SPIRE1: variants seen among roughly 807,000 people sequenced by gnomAD.
SPIRE1 encodes protein spire homolog 1.
In SPIRE1, 40 loss-of-function variants were observed where a neutral mutation model predicts 94.1. The ratio of observed to expected loss-of-function variants is 0.43; its 90% confidence interval spans 0.33 to 0.55. The LOEUF (loss-of-function observed/expected upper bound fraction) is 0.55, where lower values mean the gene tolerates loss of function less well. Among genes scored for constraint, SPIRE1 ranks in the 20% least tolerant of loss-of-function variants. The pLI, the probability that SPIRE1 is intolerant of heterozygous loss-of-function variation, is 0.06. For synonymous variants in SPIRE1, 376 were observed against 371.7 expected, an observed-to-expected ratio of 1.01 and a Z score of -0.13; for missense variants, 838 against 975.2, an observed-to-expected ratio of 0.86 and a Z score of 1.87.
chr18:12,603,573 AATT>A (rs2036894795), intron 2 of SPIRE1, among the ~76,000 whole-genome samples: 1 of 116,930 alleles, frequency 8.6e-6, no homozygotes, highest in Non-Finnish European at 1.9e-5. Flanking sequence ...ACCAGTAGCC[AATT>A]TTTTTTTTTT....
At position 12,617,551 on chromosome 18, in the gene SPIRE1, T is replaced by C. The variant is rs182524372; in HGVS notation, c.372+17511A>G. Among the ~76,000 whole-genome samples the C allele has an allele frequency of 2.3e-4, 35 of 151,638 alleles. No homozygotes were observed. In the East Asian group the frequency reaches 6.4e-3, roughly 28 times the overall value. On this transcript the variant is annotated intron_variant, in intron 2 of 16. Transcript: ENST00000409402. The stretch of plus-strand genomic sequence containing the variant: ...TCAGCCTCCCGAGTAGCTGGGATTA[T>C]AGGCGCCTGCCACCATGCCTGGCTA...
In SPIRE1 at chr18:12,535,512, G is replaced by A; in HGVS notation, c.693C>T (p.Leu231=). Residue 231 remains leucine, a synonymous_variant, in exon 4 of 17, where the codon CTC becomes CTT. Coordinates refer to ENST00000409402, the MANE Select transcript of SPIRE1 (RefSeq NM_001128626.2). Reference sequence around the variant, plus strand: ...TCTTAATTTTGGTCAGAAATGTATGGAGCTCCATTGTTTCTGCAAACAGTG... The same window carrying A: ...TCTTAATTTTGGTCAGAAATGTATGAAGCTCCATTGTTTCTGCAAACAGTG... ...CRALFAETME[L]HTFLTKIKSA... 1 of 1,613,470 alleles carries A rather than the reference G, an allele frequency of 6.2e-7. No homozygotes were observed. The highest frequency in any genetic ancestry group is 8.5e-7 in the Non-Finnish European group (1 of 1,179,558).
Position 12,559,812 on chromosome 18 carries a change from CA to C in SPIRE1, c.373-12909del, listed in dbSNP as rs1296050212. ...AAAACAACAAAATGAAGAAACAACCCAAAGAACGGGAGAAAATATGTGCAAA... is the reference window on the plus strand; with the variant it reads ...AAAACAACAAAATGAAGAAACAACCCAAGAACGGGAGAAAATATGTGCAAA... On this transcript the variant is annotated intron_variant, in intron 2 of 16. Transcript: ENST00000409402. The surrounding 1 kb of genome is among the most constrained non-coding windows in gnomAD (Gnocchi z 4.7). Among the ~76,000 whole-genome samples the C allele has an allele frequency of 6.6e-6, 1 of 152,036 alleles. No homozygotes were observed. Among genetic ancestry groups the C allele is most frequent in the African/African-American group, 2.4e-5 (1 of 41,386 alleles).
intron 2 of SPIRE1, among the ~76,000 whole-genome samples, chr18:12,560,649 G>C (rs138763616): frequency 1.3e-5 from 2 of 152,220 alleles, no homozygotes; most frequent in African/African-American, 4.8e-5. Flanking sequence ...TCAGGAGTTC[G>C]AGACTAGCCT....
In SPIRE1 at chr18:12,635,097, C is replaced by A; in HGVS notation, c.338-1G>T. On this transcript the variant is annotated splice_acceptor_variant, in intron 1 of 16. Transcript: ENST00000409402. LOFTEE classifies it high-confidence loss of function. The stretch of plus-strand genomic sequence containing the variant: ...ATACATTGTGAATATCCCAATTTAC[C>A]TGTAATAAAAATGAAAAGGATTACT... The A allele has an allele frequency of 7.2e-7, 1 of 1,391,582 alleles. No individual in the cohort carries two copies. The highest frequency in any genetic ancestry group is 1.3e-5 in the South Asian group (1 of 78,542). The allele number at this position is 1,391,582 out of a possible 1,614,324, so 86.2% of individuals were successfully genotyped here.
rs111789154 is a variant in SPIRE1 at position 12,450,544 on chromosome 18, G to A, written c.2013-648C>T. On this transcript the variant is annotated intron_variant, in intron 16 of 16. Coordinates refer to ENST00000409402, the MANE Select transcript of SPIRE1 (RefSeq NM_001128626.2). Reference sequence around the variant, plus strand: ...AAGAACATAAGAAGAAGAGCCCAGCGGTCTCTGTCAATTTTGCAGAATTTT... The same window carrying A: ...AAGAACATAAGAAGAAGAGCCCAGCAGTCTCTGTCAATTTTGCAGAATTTT... 1,004 of 558,044 alleles carry A rather than the reference G, an allele frequency of 1.8e-3. 1 individual carries two copies. The highest frequency in any genetic ancestry group is 6.6e-3 in the Middle Eastern group (23 of 3,482). 34.6% of individuals were successfully genotyped at this position (558,044 alleles called of 1,614,324 possible). A position where few individuals can be genotyped will look rare whatever the true frequency, so the allele number is the denominator to read the frequency against.
At chr18:12,641,383 T>G (rs1422474181) in intron 1 of SPIRE1, among the ~76,000 whole-genome samples, 1 of 151,720 alleles carries the variant, frequency 6.6e-6, no homozygotes, top group African/African-American at 2.4e-5. Flanking sequence ...TCTTTTTTTT[T>G]TTTTGAGATG....
intron 2 of SPIRE1, among the ~76,000 whole-genome samples, chr18:12,572,191 G>A (rs1037220703): frequency 3.3e-5 from 5 of 152,026 alleles, no homozygotes; most frequent in African/African-American, 1.2e-4. Context: ...TGGGGGCTTG[G>A]GGGGGTCAAT....
chr18:12,539,985 A>G (rs896449461), intron 3 of SPIRE1, among the ~76,000 whole-genome samples: 1 of 151,900 alleles, frequency 6.6e-6, no homozygotes, highest in Non-Finnish European at 1.5e-5. Flanking sequence ...AGAGGTAGAA[A>G]ATGAGGCCAG....
intron 7 of SPIRE1, among the ~76,000 whole-genome samples, chr18:12,494,605 G>T (rs575849114): frequency 6.6e-6 from 1 of 151,700 alleles, no homozygotes; most frequent in Admixed American, 6.6e-5. Flanking sequence ...CGAGGTGGGC[G>T]GATCACGAGG....
At chr18:12,609,600 A>G (rs777480181) in intron 2 of SPIRE1, among the ~76,000 whole-genome samples, 1 of 152,022 alleles carries the variant, frequency 6.6e-6, no homozygotes, top group African/African-American at 2.4e-5. Context: ...ACGATCTGAG[A>G]CCTATTTCTG....
At chr18:12,583,338 G>A (rs981458304) in intron 2 of SPIRE1, among the ~76,000 whole-genome samples, 6 of 152,092 alleles carry the variant, frequency 3.9e-5, no homozygotes, top group Non-Finnish European at 5.9e-5. Flanking sequence ...GTATGGTGGC[G>A]CAAGCCTGTA....
rs1399097591 is a variant in SPIRE1, at chr18:12,496,042, T to C, written c.1033A>G (p.Ile345Val). The change falls in exon 7 of 17, where the codon ATC (isoleucine) becomes GTC (valine). Residue 345 changes from isoleucine (I) to valine (V), a missense_variant. By Grantham distance (29) the Ile-to-Val change is conservative. Coordinates refer to ENST00000409402, the MANE Select transcript of SPIRE1 (RefSeq NM_001128626.2). ...KSAHEIILDF[I>V]RSRPPLNPVS... ...GGATTTAAAGGAGGTCTGGATCTGATGAAGTCGAGGATGATTTCATGAGCA... is the reference window on the plus strand; with the variant it reads ...GGATTTAAAGGAGGTCTGGATCTGACGAAGTCGAGGATGATTTCATGAGCA... 1 of 1,613,422 alleles carries C rather than the reference T, an allele frequency of 6.2e-7. No individual in the cohort carries two copies. Among genetic ancestry groups the C allele is most frequent in the Non-Finnish European group, 8.5e-7 (1 of 1,179,466 alleles).
chr18:12,567,334 G>A (rs151290979), intron 2 of SPIRE1, among the ~76,000 whole-genome samples: 1 of 152,128 alleles, frequency 6.6e-6, no homozygotes, highest in East Asian at 1.9e-4. Flanking sequence ...CTAAAGACAC[G>A]GAGAGACACT....
At chr18:12,504,773 C>G (rs759279142) in intron 6 of SPIRE1, among the ~76,000 whole-genome samples, 6 of 152,002 alleles carry the variant, frequency 3.9e-5, no homozygotes, top group Admixed American at 6.6e-5. Flanking sequence ...TAGTGAAACA[C>G]GAGAGTAAAG....
At chr18:12,641,362 ATTTC>A (rs1357226566) in intron 1 of SPIRE1, among the ~76,000 whole-genome samples, 4 of 144,856 alleles carry the variant, frequency 2.8e-5, no homozygotes, top group African/African-American at 7.6e-5. Flanking sequence ...TCATACCCGA[ATTTC>A]TTTTTTTCTT....
rs1598509882 is a variant in SPIRE1, at chr18:12,596,511, A to C, written c.372+38551T>G. The stretch of plus-strand genomic sequence containing the variant: ...TATGAAAAAATATTTTTTCCCACAA[A>C]GTTGAAAGGGGGATGAGAAATGTTT... On this transcript the variant is annotated intron_variant, in intron 2 of 16. Coordinates refer to ENST00000409402, the MANE Select transcript of SPIRE1 (RefSeq NM_001128626.2). 2.6e-5 allele frequency among the ~76,000 whole-genome samples: 4 copies of C among 152,290 alleles called. No homozygotes were observed. In the East Asian group the frequency reaches 7.7e-4, roughly 29 times the overall value.
chr18:12,449,386 C>A lies in SPIRE1; in HGVS notation c.*252G>T. On this transcript the variant is annotated 3_prime_UTR_variant, in exon 17 of 17. Transcript: ENST00000409402. ...AAGTAGCTACTGGCTTCCAAAGCCA[C>A]ACACACACAAAAGTAAGTTTCAAAC... The A allele has an allele frequency of 2.0e-6, 1 of 502,308 alleles. No homozygotes were observed. Among genetic ancestry groups the A allele is most frequent in the Non-Finnish European group, 3.6e-6 (1 of 280,506 alleles). 31.1% of individuals were successfully genotyped at this position (502,308 alleles called of 1,614,324 possible). A position where few individuals can be genotyped will look rare whatever the true frequency, so the allele number is the denominator to read the frequency against.
chr18:12,454,015 C>G (rs2031379977), intron 13 of SPIRE1, among the ~76,000 whole-genome samples: 1 of 152,266 alleles, frequency 6.6e-6, no homozygotes, highest in Non-Finnish European at 1.5e-5. Context: ...GATATCCCAA[C>G]CTCGTGATCT....
Sources: allele counts gnomAD v4.1 joint callset (sites outside exome capture counted in the v4.1 genomes callset), GRCh38; gene constraint gnomAD v4.1.1; non-coding constraint Gnocchi (gnomAD v3.1); transcripts MANE v1.5; gene names NCBI Gene and HGNC (gene_info 2026-07-23, HGNC 2026-07-21).